Variants in GRM7 observed in about 807,000 individuals in gnomAD.
GRM7 encodes glutamate metabotropic receptor 7, also known as metabotropic glutamate receptor 7.
In GRM7, 35 loss-of-function variants were observed where a neutral mutation model predicts 84.5. That is an observed-to-expected ratio of 0.41 (90% confidence interval 0.32 to 0.55). The LOEUF (loss-of-function observed/expected upper bound fraction) is 0.55, where lower values mean the gene tolerates loss of function less well. Ranked by LOEUF, GRM7 falls within the 20% of genes least tolerant of loss-of-function variation. The probability of loss-of-function intolerance (pLI) is 0.19; values close to 1 mark genes in which losing one functional copy is unlikely to be tolerated. For missense variants in GRM7, 1,003 were observed against 1,194.6 expected, an observed-to-expected ratio of 0.84 and a Z score of 2.36; for synonymous variants, 487 against 455.1, an observed-to-expected ratio of 1.07 and a Z score of -0.89.
chr3:7,235,527 G>A (rs1697322518), intron 2 of GRM7, among the ~76,000 whole-genome samples: 1 of 152,148 alleles, frequency 6.6e-6, no homozygotes, highest in African/African-American at 2.4e-5. Flanking sequence ...AAGGAGCTAT[G>A]ATAGAGCAGA....
intron 4 of GRM7, among the ~76,000 whole-genome samples, chr3:7,314,155 T>A (rs542960089): frequency 6.6e-6 from 1 of 152,142 alleles, no homozygotes; most frequent in African/African-American, 2.4e-5. Flanking sequence ...ATTTAATACC[T>A]CAAAGCTTAA....
At position 6,863,258 on chromosome 3, in the gene GRM7, G is replaced by T. The variant is rs1003634145; in HGVS notation, c.519+1351G>T. Among the ~76,000 whole-genome samples the T allele has an allele frequency of 1.3e-5, 2 of 151,964 alleles. No homozygotes were observed. The highest frequency in any genetic ancestry group is 2.9e-5 in the Non-Finnish European group (2 of 68,014). ...TCCAGTGCATAGCGGCTCTCTCCCT[G>T]GCTGGTGGTACCCAAACCTAGTTAA... On this transcript the variant is annotated intron_variant, in intron 1 of 9. Transcript: ENST00000357716. The surrounding 1 kb of genome is among the most constrained non-coding windows in gnomAD (Gnocchi z 4.8).
intron 2 of GRM7, among the ~76,000 whole-genome samples, chr3:7,248,700 A>T (rs546898671): frequency 6.6e-6 from 1 of 152,228 alleles, no homozygotes; most frequent in East Asian, 1.9e-4. Flanking sequence ...CCAGATTTTA[A>T]AATATTAGTG....
At chr3:7,124,401 G>A (rs1057168332) in intron 1 of GRM7, among the ~76,000 whole-genome samples, 1 of 152,144 alleles carries the variant, frequency 6.6e-6, no homozygotes, top group Non-Finnish European at 1.5e-5. Context: ...AGATTCTCAG[G>A]AAGTTGAGGC....
intron 1 of GRM7, among the ~76,000 whole-genome samples, chr3:7,091,704 ATAACT>A (rs1259708062): frequency 2.7e-5 from 4 of 149,438 alleles, no homozygotes; most frequent in Non-Finnish European, 5.9e-5. Flanking sequence ...GTCTATATAA[ATAACT>A]TAATTAAAGC....
chr3:7,451,341 A>G (rs2124889625), intron 5 of GRM7, among the ~76,000 whole-genome samples: 1 of 152,322 alleles, frequency 6.6e-6, no homozygotes, highest in East Asian at 1.9e-4. Flanking sequence ...ATGATTCTAT[A>G]TTGACAGTGC....
intron 1 of GRM7, among the ~76,000 whole-genome samples, chr3:6,984,189 T>A (rs1694312117): frequency 6.6e-6 from 1 of 152,230 alleles, no homozygotes; most frequent in South Asian, 2.1e-4. Flanking sequence ...TATTTGCACA[T>A]CGTCTTGGAG....
intron 1 of GRM7, among the ~76,000 whole-genome samples, chr3:7,064,479 T>TACAC (rs372086997): frequency 1.0e-5 from 1 of 99,382 alleles, no homozygotes; most frequent in Non-Finnish European, 2.1e-5. Context: ...TATATATATA[T>TACAC]ACACACATAT....
At chr3:7,440,614 C>A (rs1363074444) in intron 5 of GRM7, among the ~76,000 whole-genome samples, 1 of 152,144 alleles carries the variant, frequency 6.6e-6, no homozygotes, top group Admixed American at 6.6e-5. Context: ...AGGTGATAAA[C>A]GTAGTATCCG....
intron 5 of GRM7, among the ~76,000 whole-genome samples, chr3:7,428,088 G>C (rs2124842458): frequency 6.6e-6 from 1 of 152,244 alleles, no homozygotes; most frequent in African/African-American, 2.4e-5. Context: ...ATGTCTGTAG[G>C]CTTCTGTGTT....
intron 1 of GRM7, among the ~76,000 whole-genome samples, chr3:6,907,583 T>A (rs1181050265): frequency 1.3e-5 from 2 of 152,202 alleles, no homozygotes; most frequent in East Asian, 3.9e-4. Context: ...AAGTGATCTC[T>A]ACTTATTTCT....
chr3:6,926,266 G>A (rs987243063), intron 1 of GRM7, among the ~76,000 whole-genome samples: 1 of 152,188 alleles, frequency 6.6e-6, no homozygotes, highest in African/African-American at 2.4e-5. Context: ...TGATCTATCT[G>A]CTTTTTTCTA....
intron 1 of GRM7, among the ~76,000 whole-genome samples, chr3:6,915,152 A>G (rs142502046): frequency 6.6e-6 from 1 of 151,202 alleles, no homozygotes; most frequent in East Asian, 1.9e-4. Flanking sequence ...CATATGTAAT[A>G]AAGAGTCACG....
chr3:7,588,106 G>C (rs970446649), intron 8 of GRM7, among the ~76,000 whole-genome samples: 3 of 152,106 alleles, frequency 2.0e-5, no homozygotes, highest in African/African-American at 7.2e-5. Flanking sequence ...GTAATCATAA[G>C]AATTGTTGTT....
intron 1 of GRM7, among the ~76,000 whole-genome samples, chr3:7,035,693 C>G (rs1283143909): frequency 6.6e-6 from 1 of 152,106 alleles, no homozygotes; most frequent in African/African-American, 2.4e-5. Context: ...TCTCAGCCCC[C>G]ATGTCTTAGA....
At chr3:7,634,816 A>G (rs1698014800) in intron 8 of GRM7, among the ~76,000 whole-genome samples, 1 of 152,090 alleles carries the variant, frequency 6.6e-6, no homozygotes, top group African/African-American at 2.4e-5. Flanking sequence ...AGAAAAAGAA[A>G]AAGAAAAAAG....
intron 4 of GRM7, among the ~76,000 whole-genome samples, chr3:7,347,404 A>G (rs576998187): frequency 6.6e-6 from 1 of 152,304 alleles, no homozygotes; most frequent in South Asian, 2.1e-4. Flanking sequence ...GCTTTAGTTC[A>G]CCTGTGATAT....
chr3:7,006,840 A>G (rs1416556488), intron 1 of GRM7, among the ~76,000 whole-genome samples: 1 of 152,222 alleles, frequency 6.6e-6, no homozygotes. Context: ...AGCACCTACT[A>G]TGTGTTAGAA....
At chr3:7,573,325 A>G (rs1457987608) in intron 7 of GRM7, among the ~76,000 whole-genome samples, 2 of 152,198 alleles carry the variant, frequency 1.3e-5, no homozygotes, top group Non-Finnish European at 2.9e-5. Context: ...ATAATATTGC[A>G]GAGAATTATG....
Sources: allele counts gnomAD v4.1 joint callset (sites outside exome capture counted in the v4.1 genomes callset), GRCh38; gene constraint gnomAD v4.1.1; non-coding constraint Gnocchi (gnomAD v3.1); transcripts MANE v1.5; gene names NCBI Gene and HGNC (gene_info 2026-07-23, HGNC 2026-07-21).